The following TAFA2 variants were observed in gnomAD, a reference collection of about 807,000 sequenced individuals.
TAFA2 encodes the protein TAFA chemokine like family member 2, also known as chemokine-like protein TAFA-2.
A neutral mutation model predicts 18.8 loss-of-function variants in TAFA2; 7 were observed. That is an observed-to-expected ratio of 0.37 (90% CI 0.21 to 0.70). TAFA2 has a LOEUF of 0.70. TAFA2 is among the 30% of genes least tolerant of loss of function. TAFA2 has a pLI of 0.53. For missense variants in TAFA2, 122 were observed against 158.1 expected, an observed-to-expected ratio of 0.77 and a Z score of 1.23; for synonymous variants, 60 against 54.2, an observed-to-expected ratio of 1.11 and a Z score of -0.47.
At chr12:62,177,880 G>A (rs1419979470) in intron 1 of TAFA2, among the ~76,000 whole-genome samples, 1 of 151,614 alleles carries the variant, frequency 6.6e-6, no homozygotes. Flanking sequence ...ACTTTTGCCA[G>A]TTCTCACCAG....
At chr12:62,195,123 G>T (rs1920093), upstream of TAFA2, among the ~76,000 whole-genome samples, 6,669 of 152,272 alleles carry the variant, frequency 0.044, 209 homozygotes, top group Non-Finnish European at 0.066. Flanking sequence ...GAGGTTTGCT[G>T]TGTCAATTGA....
chr12:62,182,944 C>T (rs1410685897), intron 1 of TAFA2, among the ~76,000 whole-genome samples: 2 of 152,150 alleles, frequency 1.3e-5, no homozygotes, highest in African/African-American at 4.8e-5. Flanking sequence ...TTTCAAAACT[C>T]CAAGTAATAT....
At chr12:62,144,786 A>G (rs2062269205) in intron 1 of TAFA2, among the ~76,000 whole-genome samples, 1 of 150,784 alleles carries the variant, frequency 6.6e-6, no homozygotes, top group South Asian at 2.1e-4. Flanking sequence ...AGTTTTTTTT[A>G]TTAAACCACT....
At chr12:61,725,327 C>A (rs1478903114) in intron 4 of TAFA2, among the ~76,000 whole-genome samples, 1 of 151,980 alleles carries the variant, frequency 6.6e-6, no homozygotes, top group Non-Finnish European at 1.5e-5. Flanking sequence ...GCCACATTTG[C>A]TTTTGGGTTC....
intron 1 of TAFA2, among the ~76,000 whole-genome samples, chr12:62,054,747 G>A (rs910583177): frequency 2.6e-5 from 4 of 152,038 alleles, no homozygotes; most frequent in Non-Finnish European, 5.9e-5. Flanking sequence ...TAACGCTTGG[G>A]TACATTTCAT....
At chr12:62,141,654 T>C (rs71465137) in intron 1 of TAFA2, among the ~76,000 whole-genome samples, 2 of 152,220 alleles carry the variant, frequency 1.3e-5, no homozygotes, top group African/African-American at 4.8e-5. Context: ...TATTATATTG[T>C]TACTTCTGCT....
intron 1 of TAFA2, among the ~76,000 whole-genome samples, chr12:62,102,517 C>G: frequency 6.6e-6 from 1 of 152,106 alleles, no homozygotes; most frequent in East Asian, 1.9e-4. Context: ...ATTGTTGCAC[C>G]ATAGCAACAT....
chr12:61,905,666 C>T (rs997678394), intron 1 of TAFA2, among the ~76,000 whole-genome samples: 8 of 152,140 alleles, frequency 5.3e-5, no homozygotes, highest in Non-Finnish European at 7.4e-5. Flanking sequence ...AAAAAATATC[C>T]TCATATCCAA....
chr12:61,774,727 T>C (rs1434166511), intron 2 of TAFA2, among the ~76,000 whole-genome samples: 1 of 151,596 alleles, frequency 6.6e-6, no homozygotes, highest in Non-Finnish European at 1.5e-5. Flanking sequence ...TGTACACTCC[T>C]CTGGTGATGG....
chr12:62,254,627 A>T (rs1351588523), intron 1 of TAFA2, among the ~76,000 whole-genome samples: 1 of 152,186 alleles, frequency 6.6e-6, no homozygotes, highest in Admixed American at 6.5e-5. Flanking sequence ...TAGAAACAAA[A>T]ATCAATGGTA....
At chr12:61,938,230 T>TAAAAAAAAAAAAAA (rs1157161976) in intron 1 of TAFA2, among the ~76,000 whole-genome samples, 54 of 98,446 alleles carry the variant, frequency 5.5e-4, no homozygotes, top group African/African-American at 2.0e-3. Flanking sequence ...ATAGATATGG[T>TAAAAAAAAAAAAAA]AAAAAAAAAA....
At chr12:62,146,526 G>A (rs1448745534) in intron 1 of TAFA2, among the ~76,000 whole-genome samples, 2 of 152,106 alleles carry the variant, frequency 1.3e-5, no homozygotes, top group African/African-American at 2.4e-5. Context: ...CTGGAAATAG[G>A]AAGTGGTCTT....
chr12:62,039,620 C>G (rs994846782), intron 1 of TAFA2, among the ~76,000 whole-genome samples: 1 of 152,118 alleles, frequency 6.6e-6, no homozygotes, highest in Non-Finnish European at 1.5e-5. Context: ...ACCTCAATAT[C>G]AATGCTGCCT....
chr12:62,006,984 A>G (rs943109580), intron 1 of TAFA2, among the ~76,000 whole-genome samples: 10 of 152,178 alleles, frequency 6.6e-5, no homozygotes, highest in African/African-American at 2.4e-4. Context: ...ATTTCTTTTT[A>G]TGAGGTGTTA....
At chr12:62,207,533 T>C (rs1275329576) in intron 1 of TAFA2, among the ~76,000 whole-genome samples, 1 of 152,120 alleles carries the variant, frequency 6.6e-6, no homozygotes, top group African/African-American at 2.4e-5. Context: ...TGGTCTCCTT[T>C]GTCTTGCTGA....
At chr12:61,720,826 C>G (rs1869860376) in intron 4 of TAFA2, 1 of 481,448 alleles carries the variant, frequency 2.1e-6, no homozygotes, top group Non-Finnish European at 4.2e-6. Context: ...GGAGCCAAAA[C>G]TTTTTTGAGT....
intron 1 of TAFA2, among the ~76,000 whole-genome samples, chr12:61,958,590 T>G (rs1464011456): frequency 6.6e-6 from 1 of 152,010 alleles, no homozygotes; most frequent in Non-Finnish European, 1.5e-5. Flanking sequence ...TCTCTTTATT[T>G]GTCTGTTGGC....
intron 1 of TAFA2, among the ~76,000 whole-genome samples, chr12:62,224,966 C>T (rs12823493): frequency 0.17 from 25,105 of 152,036 alleles, 2,480 homozygotes; most frequent in East Asian, 0.35. Flanking sequence ...TAGTTCCACA[C>T]GCCTGTAATC....
chr12:61,758,414 A>G (rs1294187036), intron 2 of TAFA2, among the ~76,000 whole-genome samples: 2 of 151,992 alleles, frequency 1.3e-5, no homozygotes, highest in Non-Finnish European at 2.9e-5. Context: ...TTAAGAAAGA[A>G]AAGTAAATTG....
Sources: allele counts gnomAD v4.1 joint callset (sites outside exome capture counted in the v4.1 genomes callset), GRCh38; gene constraint gnomAD v4.1.1; transcripts MANE v1.5; gene names NCBI Gene and HGNC (gene_info 2026-07-23, HGNC 2026-07-21).